TBCEL: variants seen among roughly 807,000 people sequenced by gnomAD.
TBCEL encodes the protein tubulin folding cofactor E like.
TBCEL carries 15 observed loss-of-function variants against 44.2 expected under a neutral mutation model. That is an observed-to-expected ratio of 0.34 (90% CI 0.23 to 0.52). TBCEL has a LOEUF of 0.52. Among genes scored for constraint, TBCEL ranks in the 20% least tolerant of loss-of-function variants. The pLI is 0.95. For synonymous variants in TBCEL, 171 were observed against 185.4 expected (o/e 0.92, Z 0.63); for missense variants, 319 against 506.3 (o/e 0.63, Z 3.55).
intron 1 of TBCEL, among the ~76,000 whole-genome samples, chr11:121,032,627 T>C (rs1000942198): frequency 6.6e-6 from 1 of 152,222 alleles, no homozygotes; most frequent in African/African-American, 2.4e-5. Flanking sequence ...TCGTGCTTCA[T>C]GCTTTAGAAA....
At chr11:121,072,947 C>T (rs1180802396) in intron 8 of TBCEL, among the ~76,000 whole-genome samples, 1 of 152,092 alleles carries the variant, frequency 6.6e-6, no homozygotes, top group Non-Finnish European at 1.5e-5. Flanking sequence ...CCACATCTGT[C>T]ATATGTCTTA....
Position 121,080,992 on chromosome 11 carries a change from C to T in TBCEL, c.957-5786C>T, listed in dbSNP as rs565733400. Reference sequence around the variant, plus strand: ...GTTCCACCACAGGTGGCTTCATTCTCTGTTCCCCTCTTTGTTAGTATCACC... The same window carrying T: ...GTTCCACCACAGGTGGCTTCATTCTTTGTTCCCCTCTTTGTTAGTATCACC... On this transcript the variant is annotated intron_variant, in intron 8 of 8. Coordinates refer to ENST00000683345, the MANE Select transcript of TBCEL (RefSeq NM_001363644.2). 4.6e-5 allele frequency among the ~76,000 whole-genome samples: 7 copies of T among 152,354 alleles called. No homozygotes were observed. The East Asian group carries it at 1.3e-3, about 29-fold the overall frequency.
chr11:121,024,643 G>C (rs3824976), intron 1 of TBCEL, among the ~76,000 whole-genome samples: 7 of 151,968 alleles, frequency 4.6e-5, no homozygotes, highest in Non-Finnish European at 1.0e-4. Flanking sequence ...CCAGCGTGGG[G>C]GATGGGTAGA....
chr11:121,031,553 A>G (rs1257669235), intron 1 of TBCEL, among the ~76,000 whole-genome samples: 1 of 151,024 alleles, frequency 6.6e-6, no homozygotes, highest in African/African-American at 2.4e-5. Flanking sequence ...TGTTTTTAAG[A>G]GTTCTCTGTA....
At chr11:121,037,404 A>G (rs1945251065) in intron 2 of TBCEL, among the ~76,000 whole-genome samples, 2 of 152,228 alleles carry the variant, frequency 1.3e-5, no homozygotes, top group South Asian at 4.1e-4. Context: ...GCTCAAGGGT[A>G]ATAACTGAGA....
intron 4 of TBCEL, among the ~76,000 whole-genome samples, chr11:121,050,809 C>T (rs1293989092): frequency 1.3e-5 from 2 of 151,652 alleles, no homozygotes; most frequent in African/African-American, 4.8e-5. Flanking sequence ...CCTATTACAT[C>T]ATAGAATTGT....
At chr11:121,074,966 C>T (rs146797933) in intron 8 of TBCEL, among the ~76,000 whole-genome samples, 1 of 151,954 alleles carries the variant, frequency 6.6e-6, no homozygotes, top group Non-Finnish European at 1.5e-5. Context: ...AGTACAGTAT[C>T]ACAACCAGAA....
At chr11:121,046,831 T>G (rs974768476) in intron 3 of TBCEL, among the ~76,000 whole-genome samples, 1 of 152,104 alleles carries the variant, frequency 6.6e-6, no homozygotes, top group Non-Finnish European at 1.5e-5. Context: ...TTACCTCAGT[T>G]TGACCAAATT....
At chr11:121,025,127 A>G (rs1301297097) in intron 1 of TBCEL, among the ~76,000 whole-genome samples, 1 of 152,206 alleles carries the variant, frequency 6.6e-6, no homozygotes, top group Non-Finnish European at 1.5e-5. Flanking sequence ...CAGTCAGTGG[A>G]GAAAGGAGGA....
chr11:121,041,593 C>T (rs184701488), intron 2 of TBCEL, among the ~76,000 whole-genome samples: 5 of 152,228 alleles, frequency 3.3e-5, no homozygotes, highest in African/African-American at 9.6e-5. Flanking sequence ...ATTTGACACA[C>T]GTTATTTCCA....
At chr11:121,042,378 G>A (rs1341159723) in intron 2 of TBCEL, among the ~76,000 whole-genome samples, 2 of 152,044 alleles carry the variant, frequency 1.3e-5, no homozygotes, top group Non-Finnish European at 2.9e-5. Context: ...TCTGCTGTTG[G>A]TGGTGAGGAG....
At chr11:121,047,065 G>A (rs1455130358) in intron 3 of TBCEL, among the ~76,000 whole-genome samples, 1 of 151,954 alleles carries the variant, frequency 6.6e-6, no homozygotes, top group East Asian at 1.9e-4. Flanking sequence ...GGTTTGAGAT[G>A]ATTTTCAGAG....
chr11:121,078,670 A>G (rs771742253), intron 8 of TBCEL, among the ~76,000 whole-genome samples: 17 of 152,130 alleles, frequency 1.1e-4, no homozygotes, highest in Non-Finnish European at 2.1e-4. Context: ...TCAAGCAGGG[A>G]ACCTGTCTGT....
chr11:121,066,865 A>C (rs780336008), intron 8 of TBCEL, among the ~76,000 whole-genome samples: 5 of 152,232 alleles, frequency 3.3e-5, no homozygotes, highest in Non-Finnish European at 7.3e-5. Context: ...AGTGTCTCAT[A>C]TAAAATTGAG....
rs567630222 is a variant in TBCEL at position 121,050,896 on chromosome 11, T to C, written c.274-2655T>C. 1.9e-4 allele frequency among the ~76,000 whole-genome samples: 29 copies of C among 151,786 alleles called. 1 individual carries two copies. In the South Asian group the frequency reaches 6.0e-3, roughly 31 times the overall value. On this transcript the variant is annotated intron_variant, in intron 4 of 8. Transcript: ENST00000683345. ...TACTCATTCCAGTTAGAGGAGTCTT[T>C]TTTATTTTTAGAATTTAAAAAAGAG... is the stretch of plus-strand genomic sequence containing the variant.
chr11:121,070,524 TA>T (rs1212935705), intron 8 of TBCEL, among the ~76,000 whole-genome samples: 3 of 152,018 alleles, frequency 2.0e-5, no homozygotes, highest in African/African-American at 7.3e-5. Flanking sequence ...TATGCAGCCA[TA>T]AAAAAGGATG....
In TBCEL at chr11:121,088,754, A is replaced by C. The variant is rs17124764; in HGVS notation, c.*1658A>C. The C allele has an allele frequency of 1.3e-5, 2 of 151,980 alleles. No homozygotes were observed. The highest frequency in any genetic ancestry group is 4.8e-5 in the African/African-American group (2 of 41,372). 9.4% of individuals were successfully genotyped at this position (151,980 alleles called of 1,614,324 possible). On this transcript the variant is annotated 3_prime_UTR_variant, in exon 9 of 9. Transcript: ENST00000683345. ...TAAATTTTCCTGTGCCATGTGGCAG[A>C]TGTTTATTCTCTTAATGCACTTCAG...
chr11:121,086,749 G>A (rs2135028839), intron 8 of TBCEL, 29 bp from the exon 9 acceptor site: 1 of 1,555,036 alleles, frequency 6.4e-7, no homozygotes, highest in East Asian at 2.3e-5. Flanking sequence ...AGTAGTTTAA[G>A]CTGACAGTGT....
intron 1 of TBCEL, among the ~76,000 whole-genome samples, chr11:121,024,527 G>GGCTGA (rs1391814175): frequency 5.3e-5 from 8 of 151,386 alleles, no homozygotes; most frequent in Middle Eastern, 3.2e-3. Flanking sequence ...GAGGGTCTTG[G>GGCTGA]GCTGGGCTGG....
Sources: gnomAD v4.1 joint callset for allele counts (sites outside exome capture counted in the v4.1 genomes callset) on GRCh38, gnomAD v4.1.1 for gene constraint, MANE v1.5 for transcripts, NCBI Gene and HGNC (gene_info 2026-07-23, HGNC 2026-07-21) for gene names.